The following ANO3 variants were observed in gnomAD, a reference collection of about 807,000 sequenced individuals.
ANO3 encodes anoctamin-3.
A neutral mutation model predicts 144.8 loss-of-function variants in ANO3; 99 were observed. The observed-to-expected ratio is 0.68, with a 90% CI of 0.58 to 0.81. The LOEUF (loss-of-function observed/expected upper bound fraction) is 0.81, where lower values mean the gene tolerates loss of function less well. Ranked by LOEUF, ANO3 falls within the 30% of genes least tolerant of loss-of-function variation. The probability of loss-of-function intolerance (pLI) is 0.00; values close to 1 mark genes in which losing one functional copy is unlikely to be tolerated. For missense variants in ANO3, 905 were observed against 1,202.2 expected (o/e 0.75, Z 3.66); for synonymous variants, 414 against 392.6 (o/e 1.05, Z -0.64).
At chr11:26,377,281 A>G (rs1445105909) in intron 1 of ANO3, among the ~76,000 whole-genome samples, 1 of 152,188 alleles carries the variant, frequency 6.6e-6, no homozygotes, top group Non-Finnish European at 1.5e-5. Context: ...AAGACTTCAG[A>G]TATTGAATTA....
At chr11:26,417,560 G>C (rs943103295) in intron 1 of ANO3, among the ~76,000 whole-genome samples, 3 of 152,042 alleles carry the variant, frequency 2.0e-5, no homozygotes, top group Non-Finnish European at 4.4e-5. Context: ...TAGGAAAATG[G>C]CTGCTCCATA....
At chr11:26,409,069 T>G (rs1468915585) in intron 1 of ANO3, among the ~76,000 whole-genome samples, 1 of 151,426 alleles carries the variant, frequency 6.6e-6, no homozygotes, top group Non-Finnish European at 1.5e-5. Flanking sequence ...GGCACATGTA[T>G]ATACATATGT....
intron 1 of ANO3, among the ~76,000 whole-genome samples, chr11:26,297,331 A>G (rs1854117492): frequency 7.0e-6 from 1 of 143,244 alleles, no homozygotes; most frequent in South Asian, 2.1e-4. Context: ...TGTCAGTATC[A>G]CAAATAACCA....
rs1472402266 is a variant in ANO3 at position 26,194,439 on chromosome 11, G to GGTGTGTGTGTGTGTGTATGT, written c.154+5125_154+5126insATGTGTGTGTGTGTGTGTGT. 8.4e-3 allele frequency among the ~76,000 whole-genome samples: 512 copies of GGTGTGTGTGTGTGTGTATGT among 60,592 alleles called. 23 individuals are homozygous for GGTGTGTGTGTGTGTGTATGT. The highest frequency in any genetic ancestry group is 0.03 in the African/African-American group (437 of 14,780). 39.8% of individuals were successfully genotyped at this position (60,592 alleles called of 152,430 possible). A position where few individuals can be genotyped will look rare whatever the true frequency, so the allele number is the denominator to read the frequency against. ...TTTTTCATCTTTGTGGGTACATAGT[G>GGTGTGTGTGTGTGTGTATGT]GTGTGTGTGTGTGTGTGTGTGTGTG... On this transcript the variant is annotated intron_variant, in intron 1 of 27. Transcript: ENST00000672621.
chr11:26,248,822 C>T (rs1364847129), intron 1 of ANO3, among the ~76,000 whole-genome samples: 1 of 152,180 alleles, frequency 6.6e-6, no homozygotes, highest in Non-Finnish European at 1.5e-5. Flanking sequence ...ACGCACACAG[C>T]AGGAGGTGAG....
intron 14 of ANO3, among the ~76,000 whole-genome samples, chr11:26,569,088 T>C (rs1850715405): frequency 6.6e-6 from 1 of 151,688 alleles, no homozygotes; most frequent in Admixed American, 6.6e-5. Flanking sequence ...TTTCATTACC[T>C]GCCTGTAATG....
chr11:26,311,591 C>A (rs1285727323), intron 1 of ANO3, among the ~76,000 whole-genome samples: 2 of 152,176 alleles, frequency 1.3e-5, no homozygotes, highest in African/African-American at 4.8e-5. Context: ...GAAGATATTA[C>A]TAAAGAGGAG....
At chr11:26,462,174 TAG>T (rs1413066123) in intron 3 of ANO3, among the ~76,000 whole-genome samples, 7 of 151,988 alleles carry the variant, frequency 4.6e-5, no homozygotes, top group Non-Finnish European at 7.4e-5. Flanking sequence ...TTGAAAGCAC[TAG>T]AGTTTTCCAT....
At chr11:26,619,712 C>G (rs2132993245) in intron 17 of ANO3, among the ~76,000 whole-genome samples, 1 of 152,238 alleles carries the variant, frequency 6.6e-6, no homozygotes, top group African/African-American at 2.4e-5. Flanking sequence ...AGAGATCCGC[C>G]CACTTTGGCC....
intron 1 of ANO3, among the ~76,000 whole-genome samples, chr11:26,291,563 T>G (rs1564951611): frequency 6.6e-6 from 1 of 152,214 alleles, no homozygotes; most frequent in Non-Finnish European, 1.5e-5. Context: ...TTCCTTTCCA[T>G]GTTTAGTGCT....
intron 1 of ANO3, among the ~76,000 whole-genome samples, chr11:26,342,809 A>G (rs1180288990): frequency 6.6e-6 from 1 of 151,888 alleles, no homozygotes; most frequent in Non-Finnish European, 1.5e-5. Flanking sequence ...ACCATTTCAC[A>G]CTTTTATCAC....
At chr11:26,421,913 C>T (rs938781256) in intron 1 of ANO3, among the ~76,000 whole-genome samples, 1 of 151,982 alleles carries the variant, frequency 6.6e-6, no homozygotes, top group African/African-American at 2.4e-5. Context: ...CACATCAACA[C>T]ATAGAGGGGA....
At chr11:26,477,175 A>G (rs1433449454) in intron 4 of ANO3, among the ~76,000 whole-genome samples, 7 of 152,140 alleles carry the variant, frequency 4.6e-5, no homozygotes, top group Non-Finnish European at 8.8e-5. Flanking sequence ...TATGAAATGA[A>G]TAAGACATGG....
chr11:26,256,167 T>C (rs1289343466), intron 1 of ANO3, among the ~76,000 whole-genome samples: 1 of 152,218 alleles, frequency 6.6e-6, no homozygotes. Context: ...AAGGCTGGCC[T>C]CTTTGGATTG....
At chr11:26,633,659 G>A (rs1852855682) in intron 18 of ANO3, among the ~76,000 whole-genome samples, 1 of 152,216 alleles carries the variant, frequency 6.6e-6, no homozygotes, top group African/African-American at 2.4e-5. Context: ...TGATTTTGTA[G>A]ATGTGGGGAA....
At chr11:26,602,563 C>T (rs1210929815) in intron 17 of ANO3, among the ~76,000 whole-genome samples, 1 of 147,800 alleles carries the variant, frequency 6.8e-6, no homozygotes, top group East Asian at 2.0e-4. Flanking sequence ...CTCATTGCTA[C>T]AAAAGTTTTT....
chr11:26,259,425 G>A (rs1376348545), intron 1 of ANO3, among the ~76,000 whole-genome samples: 7 of 152,038 alleles, frequency 4.6e-5, no homozygotes, highest in East Asian at 1.9e-4. Context: ...CGAGGCAGGC[G>A]GATCATGAGG....
intron 1 of ANO3, among the ~76,000 whole-genome samples, chr11:26,434,529 T>C (rs1858229506): frequency 6.6e-6 from 1 of 152,180 alleles, no homozygotes; most frequent in South Asian, 2.1e-4. Flanking sequence ...GGTTGTTAAT[T>C]TGGGATCTTT....
At chr11:26,467,783 G>C (rs974479369) in intron 4 of ANO3, among the ~76,000 whole-genome samples, 6 of 151,348 alleles carry the variant, frequency 4.0e-5, no homozygotes, top group African/African-American at 1.5e-4. Flanking sequence ...TTTTCTTTAA[G>C]ACCAATTTAC....
Sources: allele counts gnomAD v4.1 joint callset (sites outside exome capture counted in the v4.1 genomes callset), GRCh38; gene constraint gnomAD v4.1.1; transcripts MANE v1.5; gene names NCBI Gene and HGNC (gene_info 2026-07-23, HGNC 2026-07-21).